The following MYL3 variants were observed in gnomAD, a reference collection of about 807,000 sequenced individuals.
MYL3 encodes the protein CMLC1.
In MYL3, 11 loss-of-function variants were observed where a neutral mutation model predicts 21.3. The observed-to-expected ratio is 0.52, with a 90% CI of 0.32 to 0.85. MYL3 has a LOEUF of 0.85. Among genes scored for constraint, MYL3 ranks in the 40% least tolerant of loss-of-function variants. The probability of loss-of-function intolerance (pLI) is 0.03; values close to 1 mark genes in which losing one functional copy is unlikely to be tolerated. For synonymous variants in MYL3, 88 were observed against 91.6 expected (o/e 0.96, Z 0.22); for missense variants, 206 against 253.3 (o/e 0.81, Z 1.27).
At chr3:46,870,320 G>A (rs1285332849) in intron 1 of MYL3, among the ~76,000 whole-genome samples, 1 of 152,182 alleles carries the variant, frequency 6.6e-6, no homozygotes, top group Non-Finnish European at 1.5e-5. Flanking sequence ...CAGAGGGACA[G>A]GATGACAGAT....
At chr3:46,871,152 G>A (rs201829114) in intron 1 of MYL3, among the ~76,000 whole-genome samples, 2 of 152,140 alleles carry the variant, frequency 1.3e-5, no homozygotes, top group African/African-American at 4.8e-5. Flanking sequence ...AGAACACCCA[G>A]GTATAATTTC....
chr3:46,880,671 G>A (rs1389524519), intron 1 of MYL3, among the ~76,000 whole-genome samples: 1 of 152,148 alleles, frequency 6.6e-6, no homozygotes, highest in Non-Finnish European at 1.5e-5. Context: ...AGGTTGCAGT[G>A]AGCAGAGATC....
upstream of MYL3, chr3:46,863,464 G>C: frequency 1.3e-6 from 2 of 1,548,672 alleles, no homozygotes; most frequent in South Asian, 2.3e-5. Flanking sequence ...GCCTCACCCA[G>C]GCCTTTATCC....
In MYL3 at chr3:46,860,900, C is replaced by G. The variant is rs931465740; in HGVS notation, c.157+60G>C. The G allele has an allele frequency of 1.2e-6, 2 of 1,613,926 alleles. No homozygotes were observed. Among genetic ancestry groups the G allele is most frequent in the African/African-American group, 2.7e-5 (2 of 74,874 alleles). ...CCACTCCCCACACCCCTGGCAGGAC[C>G]CTCAGACCAGGGAACCCCAGCCCAA... On this transcript the variant is annotated intron_variant, in intron 2 of 6. Coordinates refer to ENST00000292327, the MANE Select transcript of MYL3 (RefSeq NM_000258.3). This position sits in a 1 kb window ranked among gnomAD's most constrained non-coding sequence, Gnocchi z 4.6.
At chr3:46,865,897 G>A (rs1178885494), upstream of MYL3, among the ~76,000 whole-genome samples, 1 of 152,146 alleles carries the variant, frequency 6.6e-6, no homozygotes, top group African/African-American at 2.4e-5. This position sits in a 1 kb window ranked among gnomAD's most constrained non-coding sequence, Gnocchi z 4.3. Context: ...GGGCCAGGAT[G>A]GTGACTGCCT....
upstream of MYL3, among the ~76,000 whole-genome samples, chr3:46,865,229 AG>A (rs891533532): frequency 1.3e-5 from 2 of 151,984 alleles, no homozygotes; most frequent in Admixed American, 6.5e-5. This position sits in a 1 kb window ranked among gnomAD's most constrained non-coding sequence, Gnocchi z 4.3. Flanking sequence ...TCTCATCTGG[AG>A]GGCAGAACAC....
Position 46,858,422 on chromosome 3 carries a change from G to A in MYL3, c.521C>T (p.Ala174Val), listed in dbSNP as rs763216044. The change falls in exon 5 of 7, where the codon GCT becomes GTT. Residue 174 changes from alanine (A) to valine (V), a missense_variant. Transcript: ENST00000292327. ...LTEDEVEKLM[A>V]GQEDSNGCIN... ...GCAGCCATTGGAGTCCTCTTGCCCA[G>A]CCATCAACTTCTCCACTTCGTCTTC... 15 of 1,613,936 alleles carry A rather than the reference G, an allele frequency of 9.3e-6. No homozygotes were observed. The South Asian group carries it at 1.6e-4, about 18-fold the overall frequency.
At chr3:46,875,080 A>T (rs1356550724) in intron 1 of MYL3, among the ~76,000 whole-genome samples, 7 of 152,218 alleles carry the variant, frequency 4.6e-5, no homozygotes, top group Non-Finnish European at 1.5e-5. Flanking sequence ...AATTGTTACC[A>T]GGTCATGGGA....
intron 1 of MYL3, among the ~76,000 whole-genome samples, chr3:46,869,795 A>G (rs575917275): frequency 4.1e-4 from 63 of 152,344 alleles, no homozygotes; most frequent in African/African-American, 1.4e-3. Flanking sequence ...TTGAATGGCC[A>G]ATTCAGTCAA....
At chr3:46,863,189 C>G in intron 1 of MYL3, 73 bp downstream of exon 1, 1 of 1,606,716 alleles carries the variant, frequency 6.2e-7, no homozygotes, top group Non-Finnish European at 8.5e-7. Flanking sequence ...CCTGACCTGC[C>G]TCTTGCTAGG....
intron 1 of MYL3, among the ~76,000 whole-genome samples, chr3:46,863,040 T>G (rs559535393): frequency 6.6e-6 from 1 of 152,338 alleles, no homozygotes; most frequent in East Asian, 1.9e-4. Context: ...ACCTTAGTTC[T>G]CAGCAGCACC....
At position 46,860,667 on chromosome 3, in the gene MYL3, G is replaced by A; in HGVS notation, c.307+9C>T. ...TAACACTATGGGGGCTCTCGGGCAG[G>A]TGCACTACCTTCCTGTCTTGGCTTC... is the stretch of plus-strand genomic sequence containing the variant. On this transcript the variant is annotated intron_variant, in intron 3 of 6. Transcript: ENST00000292327. The surrounding 1 kb of genome is among the most constrained non-coding windows in gnomAD (Gnocchi z 4.6). The A allele has an allele frequency of 6.2e-7, 1 of 1,613,142 alleles. No individual in the cohort carries two copies. Among genetic ancestry groups the A allele is most frequent in the Non-Finnish European group, 8.5e-7 (1 of 1,180,012 alleles).
In MYL3 at chr3:46,882,115, A is replaced by C. The variant is rs2030616031; in HGVS notation, c.-259T>G. On this transcript the variant is annotated 5_prime_UTR_variant, in exon 1 of 4. Coordinates refer to the MYL3 transcript ENST00000431168. The surrounding 1 kb of genome is among the most constrained non-coding windows in gnomAD (Gnocchi z 4.3). ...ACTCCGGGCCTCGGCCTCTAGCGCA[A>C]TGTCCCGGGGCGGGGGGCGGAAGGC... 1 of 149,556 alleles carries C rather than the reference A, an allele frequency of 6.7e-6. No homozygotes were observed. Among genetic ancestry groups the C allele is most frequent in the Admixed American group, 6.6e-5 (1 of 15,090 alleles). 9.3% of individuals were successfully genotyped at this position (149,556 alleles called of 1,614,324 possible).
rs547807744 is a variant in MYL3 at position 46,874,949 on chromosome 3, C to T, written c.-218+7125G>A. On this transcript the variant is annotated intron_variant, in intron 1 of 3. Transcript: ENST00000431168. This position sits in a 1 kb window ranked among gnomAD's most constrained non-coding sequence, Gnocchi z 4.1. ...TTTCTCCTACCCCACTCCCCGCCAC[C>T]ATGCCACCAGGGATCTCCCTCAGAG... Among the ~76,000 whole-genome samples the T allele has an allele frequency of 6.6e-6, 1 of 152,342 alleles. No homozygotes were observed. The highest frequency in any genetic ancestry group is 1.9e-4 in the East Asian group (1 of 5,180).
chr3:46,861,106 C>T lies in MYL3; in HGVS notation c.130-119G>A. On this transcript the variant is annotated intron_variant, in intron 1 of 6. Transcript: ENST00000292327. The surrounding 1 kb of genome is among the most constrained non-coding windows in gnomAD (Gnocchi z 4.2). ...GTCTCAGCCTGTCCCATTCCAGCAT[C>T]CCAGCCTGCACCCCCAGGACCTCCT... 4 of 1,206,268 alleles carry T rather than the reference C, an allele frequency of 3.3e-6. No individual in the cohort carries two copies. The highest frequency in any genetic ancestry group is 4.9e-6 in the Non-Finnish European group (4 of 821,272). 74.7% of individuals were successfully genotyped at this position (1,206,268 alleles called of 1,614,324 possible). A position where few individuals can be genotyped will look rare whatever the true frequency, so the allele number is the denominator to read the frequency against.
chr3:46,877,251 C>G (rs2030274309), intron 1 of MYL3, among the ~76,000 whole-genome samples: 1 of 152,086 alleles, frequency 6.6e-6, no homozygotes, highest in Non-Finnish European at 1.5e-5. Flanking sequence ...GCTGGCAGAT[C>G]AGGCTTTCTT....
At chr3:46,866,635 G>T (rs1702050216), upstream of MYL3, 1 of 152,238 alleles carries the variant, frequency 6.6e-6, no homozygotes, top group Non-Finnish European at 1.5e-5. Flanking sequence ...AATGCTGGAT[G>T]AACAAATGTT....
rs1381924950 is a variant in MYL3 at position 46,860,933 on chromosome 3, A to G, written c.157+27T>C. The G allele has an allele frequency of 6.2e-7, 1 of 1,613,872 alleles. No individual in the cohort carries two copies. Among genetic ancestry groups the G allele is most frequent in the South Asian group, 1.1e-5 (1 of 91,064 alleles). On this transcript the variant is annotated intron_variant, in intron 2 of 6. Transcript: ENST00000292327. This position sits in a 1 kb window ranked among gnomAD's most constrained non-coding sequence, Gnocchi z 4.6. ...CAGGGAACCCCAGCCCAATCCTGCA[A>G]CCCCTGGGTTCAAGACCCCTGCTCA... is the stretch of plus-strand genomic sequence containing the variant.
At position 46,874,300 on chromosome 3, in the gene MYL3, T is replaced by C. The variant is rs1010714224; in HGVS notation, c.-217-7700A>G. ...ACATTCCCAGTGTCCGCCAGCTCATTGCCTTGCCCCAGCCAGTGTCCCCTG... is the reference window on the plus strand; with the variant it reads ...ACATTCCCAGTGTCCGCCAGCTCATCGCCTTGCCCCAGCCAGTGTCCCCTG... On this transcript the variant is annotated intron_variant, in intron 1 of 3. Coordinates refer to the MYL3 transcript ENST00000431168. The surrounding 1 kb of genome is among the most constrained non-coding windows in gnomAD (Gnocchi z 4.1). Among the ~76,000 whole-genome samples the C allele has an allele frequency of 6.6e-6, 1 of 152,090 alleles. No homozygotes were observed. The highest frequency in any genetic ancestry group is 1.5e-5 in the Non-Finnish European group (1 of 68,000).
Sources: allele counts gnomAD v4.1 joint callset (sites outside exome capture counted in the v4.1 genomes callset), GRCh38; gene constraint gnomAD v4.1.1; non-coding constraint Gnocchi (gnomAD v3.1); transcripts MANE v1.5; gene names NCBI Gene and HGNC (gene_info 2026-07-23, HGNC 2026-07-21).